The following TMEM178B variants were observed in gnomAD, a reference collection of about 807,000 sequenced individuals.
TMEM178B encodes transmembrane protein 178B.
Under a neutral mutation model 31.0 loss-of-function variants are expected in TMEM178B, and 5 were observed. The ratio of observed to expected loss-of-function variants is 0.16; its 90% CI spans 0.08 to 0.34. The LOEUF (loss-of-function observed/expected upper bound fraction) is 0.34, where lower values mean the gene tolerates loss of function less well. Ranked by LOEUF, TMEM178B falls within the 10% of genes least tolerant of loss-of-function variation. TMEM178B has a pLI of 1.00. For missense variants in TMEM178B, 275 were observed against 400.3 expected (o/e 0.69, Z 2.67); for synonymous variants, 164 against 164.0 (o/e 1.00, Z 0.00).
chr7:141,325,496 T>C (rs149776344), intron 2 of TMEM178B, among the ~76,000 whole-genome samples: 18 of 152,318 alleles, frequency 1.2e-4, no homozygotes, highest in Non-Finnish European at 7.4e-5. Context: ...CACTTGATGC[T>C]TGACCTTAGG....
intron 2 of TMEM178B, among the ~76,000 whole-genome samples, chr7:141,271,875 G>A (rs894898260): frequency 1.3e-5 from 2 of 152,154 alleles, no homozygotes; most frequent in Non-Finnish European, 2.9e-5. Flanking sequence ...GCTCAGAAAG[G>A]TCAAACTTGC....
chr7:141,455,242 G>GT (rs2116710084), intron 3 of TMEM178B, among the ~76,000 whole-genome samples: 1 of 152,306 alleles, frequency 6.6e-6, no homozygotes, highest in Admixed American at 6.5e-5. Flanking sequence ...AATGTGTGAA[G>GT]TTGTGTACAG....
chr7:141,443,356 C>A (rs571578812), intron 3 of TMEM178B, among the ~76,000 whole-genome samples: 1 of 152,150 alleles, frequency 6.6e-6, no homozygotes, highest in African/African-American at 2.4e-5. Flanking sequence ...TCTAGGATCC[C>A]GTTCAGGACA....
intron 1 of TMEM178B, among the ~76,000 whole-genome samples, chr7:141,099,968 C>T (rs183306046): frequency 3.2e-4 from 49 of 152,062 alleles, no homozygotes; most frequent in African/African-American, 1.1e-3. Flanking sequence ...TACAGGCACC[C>T]GCCACCACAC....
chr7:141,329,177 G>C (rs577059882), intron 2 of TMEM178B, among the ~76,000 whole-genome samples: 3 of 152,302 alleles, frequency 2.0e-5, no homozygotes, highest in African/African-American at 7.2e-5. Context: ...TCCAACCTGA[G>C]ATATCTGGCA....
At chr7:141,392,931 A>G (rs1004141841) in intron 2 of TMEM178B, among the ~76,000 whole-genome samples, 3 of 151,892 alleles carry the variant, frequency 2.0e-5, no homozygotes, top group African/African-American at 7.3e-5. Context: ...CCAACCTTCA[A>G]CATAACTGAA....
At chr7:141,401,393 G>A (rs1388231688) in intron 2 of TMEM178B, among the ~76,000 whole-genome samples, 1 of 152,084 alleles carries the variant, frequency 6.6e-6, no homozygotes, top group Non-Finnish European at 1.5e-5. Context: ...ATTAAGCACA[G>A]GGGTTATCTT....
intron 3 of TMEM178B, among the ~76,000 whole-genome samples, chr7:141,459,619 G>A (rs1252012793): frequency 1.3e-5 from 2 of 152,232 alleles, no homozygotes; most frequent in Non-Finnish European, 2.9e-5. Flanking sequence ...ACTAGGATTA[G>A]AACATAATGG....
intron 2 of TMEM178B, among the ~76,000 whole-genome samples, chr7:141,276,752 A>T (rs914792962): frequency 6.6e-6 from 1 of 152,180 alleles, no homozygotes; most frequent in East Asian, 1.9e-4. Flanking sequence ...ACCATAGAAC[A>T]TACTTAACAC....
At chr7:141,337,932 G>C (rs1799452913) in intron 2 of TMEM178B, among the ~76,000 whole-genome samples, 1 of 152,058 alleles carries the variant, frequency 6.6e-6, no homozygotes. Flanking sequence ...CTGCCTCCCG[G>C]GTTCACACCA....
At chr7:141,386,381 T>C (rs76850612) in intron 2 of TMEM178B, among the ~76,000 whole-genome samples, 8 of 152,206 alleles carry the variant, frequency 5.3e-5, no homozygotes, top group Non-Finnish European at 1.2e-4. Context: ...TCAGGAACTT[T>C]GCTTTCCACT....
intron 1 of TMEM178B, among the ~76,000 whole-genome samples, chr7:141,137,161 A>G (rs1175685342): frequency 1.3e-5 from 2 of 152,116 alleles, no homozygotes; most frequent in Non-Finnish European, 2.9e-5. Context: ...GGAGGTTTTT[A>G]AAAAAACTTA....
intron 2 of TMEM178B, among the ~76,000 whole-genome samples, chr7:141,337,931 G>A (rs952135172): frequency 2.6e-5 from 4 of 151,798 alleles, no homozygotes; most frequent in Admixed American, 6.6e-5. Context: ...TCTGCCTCCC[G>A]GGTTCACACC....
chr7:141,197,237 A>G (rs1343616501), intron 1 of TMEM178B, among the ~76,000 whole-genome samples: 1 of 152,198 alleles, frequency 6.6e-6, no homozygotes, highest in African/African-American at 2.4e-5. Context: ...AGATACTTGC[A>G]CCACAGCATT....
chr7:141,076,826 C>T (rs1794607736), intron 1 of TMEM178B, among the ~76,000 whole-genome samples: 2 of 152,136 alleles, frequency 1.3e-5, no homozygotes. Context: ...TGTTCCCCAT[C>T]GCCCAAAATA....
At chr7:141,228,421 G>A (rs2129191002) in intron 2 of TMEM178B, among the ~76,000 whole-genome samples, 1 of 151,722 alleles carries the variant, frequency 6.6e-6, no homozygotes, top group African/African-American at 2.4e-5. Flanking sequence ...CTCATCTAGG[G>A]GTCATGAAGG....
At chr7:141,437,576 C>T in intron 2 of TMEM178B, 32 bp from the exon 3 acceptor site, 2 of 1,534,886 alleles carry the variant, frequency 1.3e-6, no homozygotes, top group Non-Finnish European at 1.7e-6. Context: ...CCAGGCTCTG[C>T]TGCTGACTGT....
chr7:141,085,805 A>C (rs1309433321), intron 1 of TMEM178B, among the ~76,000 whole-genome samples: 1 of 152,036 alleles, frequency 6.6e-6, no homozygotes, highest in Non-Finnish European at 1.5e-5. Context: ...CTGGCACAAC[A>C]CTGGAGAGAG....
intron 2 of TMEM178B, among the ~76,000 whole-genome samples, chr7:141,428,363 C>A (rs1448756587): frequency 9.7e-6 from 1 of 102,740 alleles, no homozygotes; most frequent in Admixed American, 1.2e-4. Context: ...AGCGAGACTC[C>A]ACCTCAAAAA....
Sources: allele counts gnomAD v4.1 joint callset (sites outside exome capture counted in the v4.1 genomes callset), GRCh38; gene constraint gnomAD v4.1.1; transcripts MANE v1.5; gene names NCBI Gene and HGNC (gene_info 2026-07-23, HGNC 2026-07-21).